MALT1: variants seen among roughly 807,000 people sequenced by gnomAD.
The protein encoded by MALT1 is mucosa-associated lymphoid tissue lymphoma translocation protein 1.
In MALT1, 36 loss-of-function variants were observed where a neutral mutation model predicts 85.5. The ratio of observed to expected loss-of-function variants is 0.42; its 90% CI spans 0.32 to 0.56. The LOEUF is 0.56. MALT1 is among the 20% of genes least tolerant of loss of function. The pLI is 0.10. For missense variants in MALT1, 716 were observed against 981.6 expected, an observed-to-expected ratio of 0.73 and a Z score of 3.62; for synonymous variants, 359 against 361.3, an observed-to-expected ratio of 0.99 and a Z score of 0.07.
rs777131681 is a variant in MALT1, at chr18:58,699,162, C to A, written c.499-1279C>A. Among the ~76,000 whole-genome samples the A allele has an allele frequency of 5.6e-4, 85 of 152,304 alleles. 1 individual carries two copies. In the Middle Eastern group the frequency reaches 0.01, roughly 18 times the overall value. On this transcript the variant is annotated intron_variant, in intron 3 of 16. Transcript: ENST00000649217. ...AGTAGCCTTTGTTAAGAGGATACAT[C>A]TTCCATTTTAACAGGAGGGAACAGA...
chr18:58,698,737 G>C (rs1400398246), intron 3 of MALT1, among the ~76,000 whole-genome samples: 2 of 152,202 alleles, frequency 1.3e-5, no homozygotes, highest in Non-Finnish European at 2.9e-5. Context: ...AACTGGTTAA[G>C]TTATGTAGCT....
intron 2 of MALT1, among the ~76,000 whole-genome samples, chr18:58,686,279 G>A (rs1027778355): frequency 6.6e-6 from 1 of 152,104 alleles, no homozygotes; most frequent in Admixed American, 6.5e-5. Flanking sequence ...CGTCCGCCTC[G>A]GCCTCCCAAA....
chr18:58,685,966 A>T (rs115302629), intron 2 of MALT1, among the ~76,000 whole-genome samples: 189 of 152,194 alleles, frequency 1.2e-3, no homozygotes, highest in African/African-American at 4.3e-3. Flanking sequence ...AAAGCAACCA[A>T]TATTGACATC....
At chr18:58,678,191 A>G (rs186434759) in intron 1 of MALT1, among the ~76,000 whole-genome samples, 177 of 152,174 alleles carry the variant, frequency 1.2e-3, no homozygotes, top group Non-Finnish European at 2.3e-3. Context: ...TTATCACTGA[A>G]TTTTAAATCT....
chr18:58,679,125 T>A (rs1287432600), intron 1 of MALT1, among the ~76,000 whole-genome samples: 1 of 152,246 alleles, frequency 6.6e-6, no homozygotes, highest in Non-Finnish European at 1.5e-5. Flanking sequence ...TATAAAATGA[T>A]TACAATTCAT....
Position 58,747,401 on chromosome 18 carries a change from TCAGG to T in MALT1, c.2038-3_2038del, listed in dbSNP as rs1184348965. 8 of 1,590,846 alleles carry T rather than the reference TCAGG, an allele frequency of 5.0e-6. No individual in the cohort carries two copies. In the Admixed American group the frequency reaches 5.2e-5, roughly 10 times the overall value. On this transcript the variant is annotated splice_acceptor_variant and splice_polypyrimidine_tract_variant and coding_sequence_variant and intron_variant, in exon 17 of 17. Transcript: ENST00000649217. LOFTEE classifies it high-confidence loss of function. ...ATAATAAACCAGATTTTTTTCCTTT[TCAGG>T]AACATCTAGTCTTCACAGTATGTTT...
At chr18:58,726,601 C>G (rs1308438494) in intron 10 of MALT1, among the ~76,000 whole-genome samples, 2 of 152,184 alleles carry the variant, frequency 1.3e-5, no homozygotes, top group African/African-American at 4.8e-5. Context: ...GACAATAATT[C>G]AGTTTTAAAC....
At chr18:58,708,953 TATTTC>T (rs1464187139) in intron 4 of MALT1, among the ~76,000 whole-genome samples, 2 of 152,206 alleles carry the variant, frequency 1.3e-5, no homozygotes, top group Non-Finnish European at 2.9e-5. Context: ...TTACAAAACT[TATTTC>T]AGTATGTCAA....
At chr18:58,745,552 C>T (rs58993112) in intron 15 of MALT1, 114 bp from the exon 16 acceptor site, 180,552 of 876,250 alleles carry the variant, frequency 0.21, 20,024 homozygotes, top group East Asian at 0.28. Context: ...CCAAAATTCA[C>T]GAGAGGCCAG....
At chr18:58,733,596 A>T in intron 11 of MALT1, 22 bp downstream of exon 11, 1 of 1,514,750 alleles carries the variant, frequency 6.6e-7, no homozygotes, top group East Asian at 2.3e-5. Context: ...AATCTTTATT[A>T]AAGAATTGTT....
chr18:58,721,002 C>CA (rs1284813616), intron 9 of MALT1, among the ~76,000 whole-genome samples: 1 of 152,078 alleles, frequency 6.6e-6, no homozygotes, highest in Non-Finnish European at 1.5e-5. Flanking sequence ...TTGATGGACT[C>CA]AAAAAAATGT....
At chr18:58,737,479 C>CA (rs778635527) in intron 13 of MALT1, among the ~76,000 whole-genome samples, 1,528 of 102,426 alleles carry the variant, frequency 0.015, 6 homozygotes, top group African/African-American at 0.019. Flanking sequence ...AGCCCCATCT[C>CA]AAAAAAAAAA....
intron 1 of MALT1, 63 bp downstream of exon 1, chr18:58,671,915 G>A: frequency 4.4e-6 from 5 of 1,130,066 alleles, no homozygotes; most frequent in Non-Finnish European, 5.5e-6. Context: ...CGGTGGGGAG[G>A]TGGGGGCGCT....
At chr18:58,703,852 G>A (rs924258897) in intron 4 of MALT1, among the ~76,000 whole-genome samples, 1 of 152,090 alleles carries the variant, frequency 6.6e-6, no homozygotes, top group Admixed American at 6.5e-5. Context: ...GTACAGATAC[G>A]TGTACAGTCC....
chr18:58,736,271 G>C (rs959199003), intron 13 of MALT1, among the ~76,000 whole-genome samples: 2 of 152,042 alleles, frequency 1.3e-5, no homozygotes, highest in African/African-American at 4.8e-5. Context: ...GTTTTTATCT[G>C]TGTAGCTATT....
chr18:58,737,858 C>T (rs2055246275), intron 13 of MALT1, among the ~76,000 whole-genome samples: 1 of 152,170 alleles, frequency 6.6e-6, no homozygotes, highest in Non-Finnish European at 1.5e-5. Context: ...TCTGGGATTA[C>T]AGACGTGAGC....
chr18:58,671,786 C>A lies in MALT1; in HGVS notation c.143C>A (p.Ala48Glu), dbSNP rs1602263367. 8.0e-7 allele frequency: 1 copy of A among 1,251,838 alleles called. No individual in the cohort carries two copies. The allele number at this position is 1,251,838 out of a possible 1,614,324, so 77.5% of individuals were successfully genotyped here. ...AGGCTCAGCGAGCTCCTGGATCAGG[C>A]GCCCGAGGGCCGGGGCTGGAGGAGA... ...LRRLSELLDQ[A>E]PEGRGWRRLA... The change falls in exon 1 of 17, where the codon GCG (alanine) becomes GAG (glutamate). Residue 48 changes from alanine (A) to glutamate (E), a missense_variant. Ala to Glu is a moderately radical substitution (Grantham distance 107). Around this residue, in one of 4 missense-constraint regions of MALT1, gnomAD observed 80 missense variants for 65.1 expected, o/e 1.23. Coordinates refer to ENST00000649217, the MANE Select transcript of MALT1 (RefSeq NM_006785.4).
At chr18:58,736,376 C>T (rs1369532433) in intron 13 of MALT1, among the ~76,000 whole-genome samples, 1 of 151,318 alleles carries the variant, frequency 6.6e-6, no homozygotes, top group African/African-American at 2.4e-5. Flanking sequence ...AGAAGTTCCA[C>T]TTTTATTTGT....
intron 4 of MALT1, 114 bp from the exon 5 acceptor site, chr18:58,709,264 A>G (rs2054798807): frequency 1.5e-6 from 1 of 652,540 alleles, no homozygotes; most frequent in African/African-American, 1.9e-5. Context: ...CAGTTTGGGA[A>G]ATGTTATTAA....
Sources: gnomAD v4.1 joint callset for allele counts (sites outside exome capture counted in the v4.1 genomes callset) on GRCh38, gnomAD v4.1.1 for gene constraint, gnomAD v4.1.1 regional missense constraint, MANE v1.5 for transcripts, NCBI Gene and HGNC (gene_info 2026-07-23, HGNC 2026-07-21) for gene names.